The following CACNA1E variants were observed in gnomAD, a reference collection of about 807,000 sequenced individuals.
The protein encoded by CACNA1E is calcium voltage-gated channel subunit alpha1 E.
A neutral mutation model predicts 259.2 loss-of-function variants in CACNA1E; 40 were observed. That is an observed-to-expected ratio of 0.15 (90% confidence interval 0.12 to 0.20). CACNA1E has a LOEUF of 0.20. CACNA1E is among the 10% of genes least tolerant of loss of function. CACNA1E has a pLI of 1.00. For missense variants in CACNA1E, 1,874 were observed against 3,040.1 expected, an observed-to-expected ratio of 0.62 and a Z score of 9.02; for synonymous variants, 1,104 against 1,138.5, an observed-to-expected ratio of 0.97 and a Z score of 0.61.
chr1:181,717,085 C>T lies in CACNA1E; in HGVS notation c.1316-8C>T, dbSNP rs546702110. On this transcript the variant is annotated splice_polypyrimidine_tract_variant and splice_region_variant and intron_variant, in intron 10 of 47. Transcript: ENST00000367573. ...GCAGTCTCATTCTTCCTTACTTCTC[C>T]CTCTTAGGCACACCTCTGGCCCGAG... 11 of 1,612,616 alleles carry T rather than the reference C, an allele frequency of 6.8e-6. No homozygotes were observed. The South Asian group carries it at 1.2e-4, about 18-fold the overall frequency.
chr1:181,570,794 C>T (rs2102935722), intron 3 of CACNA1E, among the ~76,000 whole-genome samples: 1 of 152,348 alleles, frequency 6.6e-6, no homozygotes, highest in South Asian at 2.1e-4. Flanking sequence ...TCGAGTCCAC[C>T]TGGATAATCC....
intron 3 of CACNA1E, among the ~76,000 whole-genome samples, chr1:181,513,001 A>G (rs893198527): frequency 4.6e-5 from 7 of 152,214 alleles, no homozygotes; most frequent in African/African-American, 9.6e-5. Context: ...GATTCTATCT[A>G]GAAGAAAAGT....
chr1:181,796,990 T>A, intron 47 of CACNA1E, 132 bp downstream of exon 47: 1 of 621,050 alleles, frequency 1.6e-6, no homozygotes. Context: ...CAGGAAGCTA[T>A]ACCTATAGTG....
chr1:181,424,691 C>T (rs1659024642), intron 2 of CACNA1E, among the ~76,000 whole-genome samples: 1 of 152,226 alleles, frequency 6.6e-6, no homozygotes, highest in African/African-American at 2.4e-5. Context: ...CAGAGGGTTT[C>T]CATCTTTTCC....
intron 3 of CACNA1E, among the ~76,000 whole-genome samples, chr1:181,517,207 T>C (rs555489179): frequency 6.2e-4 from 94 of 152,278 alleles, no homozygotes; most frequent in African/African-American, 2.1e-3. Flanking sequence ...AGATGGAACT[T>C]AGCTGGGCAG....
intron 1 of CACNA1E, among the ~76,000 whole-genome samples, chr1:181,376,713 G>A (rs886244232): frequency 6.6e-6 from 1 of 152,166 alleles, no homozygotes; most frequent in African/African-American, 2.4e-5. Flanking sequence ...CTAAGCTGCT[G>A]TCTCCTAGTT....
At chr1:181,454,938 A>T (rs941702445) in intron 2 of CACNA1E, among the ~76,000 whole-genome samples, 1 of 152,226 alleles carries the variant, frequency 6.6e-6, no homozygotes, top group Non-Finnish European at 1.5e-5. Context: ...TTAAATGAGA[A>T]ATCTATGCCT....
intron 6 of CACNA1E, among the ~76,000 whole-genome samples, chr1:181,637,424 TTCCCTCCTTCCC>T (rs1474464112): frequency 1.4e-4 from 10 of 69,892 alleles, no homozygotes; most frequent in Admixed American, 2.3e-4. Flanking sequence ...CCCTCCCTCC[TTCCCTCCTTCCC>T]TCCCTCCCTC....
chr1:181,413,098 C>CG (rs1374116198), intron 1 of CACNA1E: 1 of 153,166 alleles, frequency 6.5e-6, no homozygotes, highest in Non-Finnish European at 1.5e-5. Context: ...TCCCTCCCTT[C>CG]CCCACTCCTT....
At chr1:181,421,301 A>T (rs1658724973) in intron 2 of CACNA1E, among the ~76,000 whole-genome samples, 1 of 152,188 alleles carries the variant, frequency 6.6e-6, no homozygotes, top group Non-Finnish European at 1.5e-5. Context: ...GAGAGAAATA[A>T]TACCTACCTT....
intron 6 of CACNA1E, among the ~76,000 whole-genome samples, chr1:181,630,787 G>C (rs1462391292): frequency 6.6e-6 from 1 of 152,098 alleles, no homozygotes; most frequent in Non-Finnish European, 1.5e-5. Flanking sequence ...AGGCTTGAAT[G>C]GTCCTACAAG....
Position 181,660,447 on chromosome 1 carries a change from AT to A in CACNA1E, c.1055+9015del, listed in dbSNP as rs148227373. Among the ~76,000 whole-genome samples, 5 of 151,854 alleles carry A rather than the reference AT, an allele frequency of 3.3e-5. No individual in the cohort carries two copies. The East Asian group carries it at 7.7e-4, about 24-fold the overall frequency. On this transcript the variant is annotated intron_variant, in intron 7 of 47. Coordinates refer to ENST00000367573, the MANE Select transcript of CACNA1E (RefSeq NM_001205293.3). ...GAAGGCTAGTCCCTCCCCAAAGCTAATTTTTTTTTGAGATTCATATATGCAG... is the reference window on the plus strand; with the variant it reads ...GAAGGCTAGTCCCTCCCCAAAGCTAATTTTTTTTGAGATTCATATATGCAG...
chr1:181,416,696 G>A (rs1658298799), intron 2 of CACNA1E, among the ~76,000 whole-genome samples: 1 of 152,104 alleles, frequency 6.6e-6, no homozygotes, highest in South Asian at 2.1e-4. Flanking sequence ...CTGGAGTCTA[G>A]AGAAGCAATT....
chr1:181,768,603 G>T (rs1027685674), intron 35 of CACNA1E, among the ~76,000 whole-genome samples: 1 of 152,176 alleles, frequency 6.6e-6, no homozygotes, highest in East Asian at 1.9e-4. Context: ...CTAGTTGGAG[G>T]TAGAAGTTGT....
At chr1:181,433,314 AT>A (rs2102261186) in intron 2 of CACNA1E, among the ~76,000 whole-genome samples, 1 of 152,160 alleles carries the variant, frequency 6.6e-6, no homozygotes. Flanking sequence ...TGCTTTCCTG[AT>A]TTGGAATCAC....
chr1:181,344,230 G>C (rs1346619566), intron 1 of CACNA1E, among the ~76,000 whole-genome samples: 2 of 152,186 alleles, frequency 1.3e-5, no homozygotes, highest in African/African-American at 4.8e-5. Flanking sequence ...ATTCCAAGCA[G>C]CTGCATGTAC....
chr1:181,367,404 G>A (rs1654359496), intron 1 of CACNA1E, among the ~76,000 whole-genome samples: 1 of 151,056 alleles, frequency 6.6e-6, no homozygotes, highest in African/African-American at 2.4e-5. Flanking sequence ...TATTTCTGCT[G>A]TGCACTATAA....
At chr1:181,749,283 G>A (rs1320988987) in intron 25 of CACNA1E, among the ~76,000 whole-genome samples, 2 of 152,170 alleles carry the variant, frequency 1.3e-5, no homozygotes, top group Non-Finnish European at 2.9e-5. Flanking sequence ...TTAGCAGCAG[G>A]CCAGGATAGG....
At position 181,577,889 on chromosome 1, in the gene CACNA1E, T is replaced by A; in HGVS notation, c.616+20T>A. Reference sequence around the variant, plus strand: ...TACCTAGTGAGCATCTGCCATTCTTTCTGCTCTGCTAAGAACTTTCTTCAT... The same window carrying A: ...TACCTAGTGAGCATCTGCCATTCTTACTGCTCTGCTAAGAACTTTCTTCAT... On this transcript the variant is annotated intron_variant, in intron 4 of 47. Coordinates refer to ENST00000367573, the MANE Select transcript of CACNA1E (RefSeq NM_001205293.3). 2 of 1,520,648 alleles carry A rather than the reference T, an allele frequency of 1.3e-6. No homozygotes were observed. The highest frequency in any genetic ancestry group is 1.2e-5 in the South Asian group (1 of 86,398). 94.2% of individuals were successfully genotyped at this position (1,520,648 alleles called of 1,614,324 possible). A position where few individuals can be genotyped will look rare whatever the true frequency, so the allele number is the denominator to read the frequency against.
Sources: allele counts gnomAD v4.1 joint callset (sites outside exome capture counted in the v4.1 genomes callset), GRCh38; gene constraint gnomAD v4.1.1; transcripts MANE v1.5; gene names NCBI Gene and HGNC (gene_info 2026-07-23, HGNC 2026-07-21).